Variants in CDH12 observed in about 807,000 individuals in gnomAD.
CDH12 encodes the protein cadherin 12, also known as cadherin-12.
In CDH12, 41 loss-of-function variants were observed where a neutral mutation model predicts 74.1. The ratio of observed to expected loss-of-function variants is 0.55; its 90% confidence interval spans 0.43 to 0.72. The LOEUF is 0.72. Ranked by LOEUF, CDH12 falls within the 30% of genes least tolerant of loss-of-function variation. The pLI is 0.00. For synonymous variants in CDH12, 399 were observed against 355.0 expected (o/e 1.12, Z -1.39); for missense variants, 945 against 977.2 (o/e 0.97, Z 0.44).
At chr5:22,204,544 G>C (rs182707733) in intron 4 of CDH12, among the ~76,000 whole-genome samples, 3 of 152,296 alleles carry the variant, frequency 2.0e-5, no homozygotes, top group East Asian at 3.9e-4. Context: ...ATTCAGACTA[G>C]AGCAGCAATA....
chr5:22,661,171 T>C (rs1384854720), intron 1 of CDH12, among the ~76,000 whole-genome samples: 2 of 152,208 alleles, frequency 1.3e-5, no homozygotes, highest in Non-Finnish European at 2.9e-5. Flanking sequence ...TCAATGAGAA[T>C]ACTTGATCAT....
rs1011876858 is a variant in CDH12, at chr5:21,788,660, A to C, written c.1257-5166T>G. ...GCAAGAATTGCACAATAAAGTTCCA[A>C]ACATCTTTCACTTACACTTATTATG... On this transcript the variant is annotated intron_variant, in intron 10 of 14. Transcript: ENST00000382254. Among the ~76,000 whole-genome samples, 3 of 152,068 alleles carry C rather than the reference A, an allele frequency of 2.0e-5. No individual in the cohort carries two copies. The East Asian group carries it at 5.8e-4, about 29-fold the overall frequency.
In CDH12 at chr5:22,410,596, T is replaced by TC. The variant is rs528365489; in HGVS notation, c.-427-5246_-427-5245insG. 8.4e-3 allele frequency among the ~76,000 whole-genome samples: 1,277 copies of TC among 152,264 alleles called. 10 individuals are homozygous for TC. The highest frequency in any genetic ancestry group is 0.011 in the Non-Finnish European group (753 of 67,994). On this transcript the variant is annotated intron_variant, in intron 2 of 14. Transcript: ENST00000382254. Reference sequence around the variant, plus strand: ...ACCATTTCCCCTGTATATTTGGGTCTTTGTTCTGAAGGCTCTCATTTATAC... The same window carrying TC: ...ACCATTTCCCCTGTATATTTGGGTCTCTTGTTCTGAAGGCTCTCATTTATAC...
chr5:22,338,296 T>G (rs576163419), intron 3 of CDH12, among the ~76,000 whole-genome samples: 1 of 152,216 alleles, frequency 6.6e-6, no homozygotes, highest in East Asian at 1.9e-4. Flanking sequence ...TGGAGGTGAT[T>G]ATATTAGGTG....
At chr5:22,566,176 G>A (rs1435485349) in intron 1 of CDH12, among the ~76,000 whole-genome samples, 4 of 151,672 alleles carry the variant, frequency 2.6e-5, no homozygotes, top group African/African-American at 9.7e-5. Context: ...ACATATTAAA[G>A]TAAATACCTG....
intron 1 of CDH12, among the ~76,000 whole-genome samples, chr5:22,716,209 T>C (rs1743569158): frequency 6.6e-6 from 1 of 151,982 alleles, no homozygotes; most frequent in Non-Finnish European, 1.5e-5. Context: ...AGACTAGAAG[T>C]AAACCCAAAA....
intron 1 of CDH12, among the ~76,000 whole-genome samples, chr5:22,815,546 G>T (rs571986346): frequency 1.3e-5 from 2 of 152,098 alleles, no homozygotes; most frequent in East Asian, 3.9e-4. Flanking sequence ...GAGGGGGGCG[G>T]ATAACCTGAG....
chr5:21,998,956 T>C (rs749998416), intron 5 of CDH12, among the ~76,000 whole-genome samples: 4 of 152,140 alleles, frequency 2.6e-5, no homozygotes, highest in Admixed American at 2.0e-4. Flanking sequence ...ACAGAGAAAA[T>C]TAAATACCAC....
intron 1 of CDH12, among the ~76,000 whole-genome samples, chr5:22,687,235 A>C (rs1424369038): frequency 6.6e-6 from 1 of 152,138 alleles, no homozygotes; most frequent in Admixed American, 6.5e-5. Context: ...CGGAGGTTGC[A>C]GTGAGCCGAG....
intron 1 of CDH12, among the ~76,000 whole-genome samples, chr5:22,732,616 C>G (rs1744490253): frequency 6.6e-6 from 1 of 151,722 alleles, no homozygotes; most frequent in Non-Finnish European, 1.5e-5. Flanking sequence ...CCAATGTGAA[C>G]AGTGTCCTCC....
intron 3 of CDH12, among the ~76,000 whole-genome samples, chr5:22,292,184 T>C (rs1737416638): frequency 6.6e-6 from 1 of 152,110 alleles, no homozygotes; most frequent in Admixed American, 6.5e-5. Flanking sequence ...TCTCATACTG[T>C]ATGCAAAAGC....
chr5:21,797,333 T>G (rs1746844851), intron 10 of CDH12, among the ~76,000 whole-genome samples: 1 of 152,136 alleles, frequency 6.6e-6, no homozygotes, highest in South Asian at 2.1e-4. Context: ...TCTAACCATG[T>G]CGAGTAATTT....
At position 22,687,478 on chromosome 5, in the gene CDH12, T is replaced by C. The variant is rs141044302; in HGVS notation, c.-523+165580A>G. 5.1e-3 allele frequency among the ~76,000 whole-genome samples: 778 copies of C among 152,170 alleles called. 11 individuals are homozygous for C. Among genetic ancestry groups the C allele is most frequent in the African/African-American group, 0.018 (727 of 41,526 alleles). On this transcript the variant is annotated intron_variant, in intron 1 of 14. Coordinates refer to ENST00000382254, the MANE Select transcript of CDH12 (RefSeq NM_004061.5). Reference sequence around the variant, plus strand: ...ACTGCAATGCAGTGGCATGATCTCGTTTCACAGCAACCTTAGCTTCCTGGG... The same window carrying C: ...ACTGCAATGCAGTGGCATGATCTCGCTTCACAGCAACCTTAGCTTCCTGGG...
At chr5:22,610,448 A>T (rs79962336) in intron 1 of CDH12, among the ~76,000 whole-genome samples, 3 of 152,170 alleles carry the variant, frequency 2.0e-5, no homozygotes, top group African/African-American at 7.2e-5. Flanking sequence ...AAAATGTATT[A>T]GATTCTGCAG....
chr5:21,775,955 G>A (rs911601294), intron 11 of CDH12, among the ~76,000 whole-genome samples: 2 of 152,002 alleles, frequency 1.3e-5, no homozygotes, highest in Non-Finnish European at 2.9e-5. Flanking sequence ...CCCACCTCCT[G>A]ATATTCACAC....
At chr5:21,757,994 T>C (rs1448847048) in intron 13 of CDH12, among the ~76,000 whole-genome samples, 1 of 152,162 alleles carries the variant, frequency 6.6e-6, no homozygotes, top group Non-Finnish European at 1.5e-5. Flanking sequence ...CTATGATATA[T>C]TTTCCATGCT....
rs370348196 is a variant in CDH12, at chr5:22,087,045, A to C, written c.-186-8183T>G. ...TAAAATGGTGAAAGTTGCTGAAAAT[A>C]AGAAAAATCTGAGAAACTGTCAAAG... On this transcript the variant is annotated intron_variant, in intron 4 of 14. Coordinates refer to ENST00000382254, the MANE Select transcript of CDH12 (RefSeq NM_004061.5). Among the ~76,000 whole-genome samples, 8 of 152,304 alleles carry C rather than the reference A, an allele frequency of 5.3e-5. No individual in the cohort carries two copies. In the East Asian group the frequency reaches 1.4e-3, roughly 26 times the overall value.
chr5:22,531,905 T>G (rs1321741368), intron 1 of CDH12, among the ~76,000 whole-genome samples: 1 of 151,986 alleles, frequency 6.6e-6, no homozygotes, highest in East Asian at 1.9e-4. Flanking sequence ...CAGTTTGAGT[T>G]TACACCTGGA....
chr5:21,808,772 C>T (rs952169266), intron 9 of CDH12, among the ~76,000 whole-genome samples: 3 of 151,974 alleles, frequency 2.0e-5, no homozygotes, highest in Admixed American at 6.6e-5. Flanking sequence ...AGAGTTTATG[C>T]ATATCTCATC....
Sources: allele counts gnomAD v4.1 joint callset (sites outside exome capture counted in the v4.1 genomes callset), GRCh38; gene constraint gnomAD v4.1.1; transcripts MANE v1.5; gene names NCBI Gene and HGNC (gene_info 2026-07-23, HGNC 2026-07-21).